The following CTDP1 variants were observed in gnomAD, a reference collection of about 807,000 sequenced individuals.
CTDP1 encodes CTD phosphatase 1, also known as RNA polymerase II subunit A C-terminal domain phosphatase.
A neutral mutation model predicts 91.8 loss-of-function variants in CTDP1; 47 were observed. The observed-to-expected ratio is 0.51, with a 90% CI of 0.41 to 0.65. CTDP1 has a LOEUF of 0.65. Among genes scored for constraint, CTDP1 ranks in the 30% least tolerant of loss-of-function variants. CTDP1 has a pLI of 0.00. For missense variants in CTDP1, 1,272 were observed against 1,373.7 expected, an observed-to-expected ratio of 0.93 and a Z score of 1.17; for synonymous variants, 656 against 598.5, an observed-to-expected ratio of 1.10 and a Z score of -1.40.
intron 5 of CTDP1, among the ~76,000 whole-genome samples, chr18:79,709,752 C>T (rs905661650): frequency 3.3e-5 from 5 of 152,220 alleles, no homozygotes; most frequent in African/African-American, 9.6e-5. Flanking sequence ...ATTATTAAAA[C>T]GTGTATAATA....
intron 12 of CTDP1, among the ~76,000 whole-genome samples, chr18:79,748,526 G>C (rs1266280929): frequency 1.3e-5 from 2 of 152,248 alleles, no homozygotes; most frequent in Non-Finnish European, 2.9e-5. Context: ...AAAGTGCGTG[G>C]AGGACGTTTC....
upstream of CTDP1, chr18:79,677,206 C>A (rs1255857004): frequency 5.3e-5 from 8 of 152,296 alleles, no homozygotes; most frequent in Admixed American, 4.6e-4. Context: ...CCTTGGCCCC[C>A]CTACTTTCTC....
rs772232405 is a variant in CTDP1, at chr18:79,728,924, A to G, written c.2435A>G (p.Gln812Arg). ...CCTTTCAGAGCGGTTCCGCCACCCC[A>G]GCCGCAGATGTTTGGTGAAGAGCTG... ...PSSFRAVPPP[Q>R]PQMFGEELPD... Residue 812 changes from glutamine (Q) to arginine (R), a missense_variant, in exon 11 of 13, where the codon CAG becomes CGG. Gln to Arg is a conservative substitution (Grantham distance 43, BLOSUM62 1). Coordinates refer to ENST00000613122, the MANE Select transcript of CTDP1 (RefSeq NM_004715.5). The G allele has an allele frequency of 6.2e-6, 10 of 1,614,022 alleles. No homozygotes were observed. In the African/African-American group the frequency reaches 1.1e-4, roughly 17 times the overall value.
chr18:79,679,350 G>C (rs1054706607), upstream of CTDP1: 14 of 447,334 alleles, frequency 3.1e-5, no homozygotes, highest in Middle Eastern at 3.4e-4. Flanking sequence ...CCCGCGGCGC[G>C]CAAGGCATGC....
chr18:79,728,247 G>A (rs2086491608), intron 10 of CTDP1, among the ~76,000 whole-genome samples: 1 of 152,152 alleles, frequency 6.6e-6, no homozygotes, highest in East Asian at 1.9e-4. Context: ...TTACAGGCGT[G>A]CACCACCACA....
At chr18:79,722,739 AC>A (rs569785374) in intron 10 of CTDP1, among the ~76,000 whole-genome samples, 105 of 152,286 alleles carry the variant, frequency 6.9e-4, no homozygotes, top group African/African-American at 2.2e-3. Flanking sequence ...CGACCTACTT[AC>A]ATCAGAAAAA....
chr18:79,705,463 C>T (rs573673250), intron 5 of CTDP1, among the ~76,000 whole-genome samples: 3 of 152,112 alleles, frequency 2.0e-5, no homozygotes, highest in South Asian at 2.1e-4. Flanking sequence ...AGTGAGGGGA[C>T]GCCACAGGAT....
chr18:79,752,093 G>T (rs1179133662), intron 12 of CTDP1, among the ~76,000 whole-genome samples: 1 of 152,250 alleles, frequency 6.6e-6, no homozygotes, highest in Admixed American at 6.5e-5. Context: ...CAGGTGGTTG[G>T]AATTTCAGGG....
intron 10 of CTDP1, among the ~76,000 whole-genome samples, chr18:79,728,522 G>A (rs920817094): frequency 3.3e-5 from 5 of 152,068 alleles, no homozygotes; most frequent in African/African-American, 7.2e-5. Context: ...GTAGCTCTCC[G>A]GACCCTATTT....
At chr18:79,724,021 C>T (rs1273406779) in intron 10 of CTDP1, among the ~76,000 whole-genome samples, 1 of 152,210 alleles carries the variant, frequency 6.6e-6, no homozygotes, top group Non-Finnish European at 1.5e-5. Flanking sequence ...GGGTTGTTTC[C>T]AGCCTTTGCT....
intron 12 of CTDP1, among the ~76,000 whole-genome samples, chr18:79,753,251 G>A (rs531463622): frequency 2.2e-3 from 341 of 152,394 alleles, no homozygotes; most frequent in Middle Eastern, 0.01. Context: ...TTTCCAGACC[G>A]TGGCCCACTT....
In CTDP1 at chr18:79,710,336, C is replaced by G; in HGVS notation, c.773-10C>G. On this transcript the variant is annotated splice_polypyrimidine_tract_variant and intron_variant, in intron 5 of 12. Transcript: ENST00000613122. ...AGGTATGTAATCTTTGTCCTGTTTT[C>G]TTTTCCAAGGCTTTTTAGACCCCGA... The G allele has an allele frequency of 6.2e-7, 1 of 1,611,066 alleles. No individual in the cohort carries two copies. Among genetic ancestry groups the G allele is most frequent in the Non-Finnish European group, 8.5e-7 (1 of 1,177,484 alleles).
upstream of CTDP1, chr18:79,679,343 G>T: frequency 2.2e-6 from 1 of 445,942 alleles, no homozygotes; most frequent in Non-Finnish European, 4.6e-6. Flanking sequence ...CTCTGGGCCC[G>T]CGGCGCGCAA....
chr18:79,738,250 C>T lies in CTDP1; in HGVS notation c.2747+1729C>T, dbSNP rs541800772. On this transcript the variant is annotated intron_variant, in intron 12 of 12. Transcript: ENST00000613122. ...TTCAGCTCCGGGGCTGCTCCGAGGC[C>T]GTCCGAGGTAACCTCGGAGGCTTTG... Among the ~76,000 whole-genome samples, 265 of 152,306 alleles carry T rather than the reference C, an allele frequency of 1.7e-3. 2 individuals are homozygous for T. Among genetic ancestry groups the T allele is most frequent in the African/African-American group, 3.3e-3 (136 of 41,552 alleles).
In CTDP1 at chr18:79,732,895, A is replaced by AGTGCTCCCAAAATCACC. The variant is rs1413349790; in HGVS notation, c.2581-3459_2581-3443dup. 1.6e-4 allele frequency among the ~76,000 whole-genome samples: 24 copies of AGTGCTCCCAAAATCACC among 152,118 alleles called. 1 individual carries two copies. The East Asian group carries it at 4.7e-3, about 30-fold the overall frequency. On this transcript the variant is annotated intron_variant, in intron 11 of 12. Coordinates refer to ENST00000613122, the MANE Select transcript of CTDP1 (RefSeq NM_004715.5). ...GACGTAAGAACTCGCTAACATCAGG[A>AGTGCTCCCAAAATCACC]GTGCTCCCAAAATCACCTGAGACAT...
Position 79,694,400 on chromosome 18 carries a change from C to T in CTDP1, c.315-825C>T, listed in dbSNP as rs1180114370. Among the ~76,000 whole-genome samples the T allele has an allele frequency of 2.0e-3, 206 of 104,364 alleles. 31 individuals are homozygous for T. The highest frequency in any genetic ancestry group is 5.2e-3 in the African/African-American group (159 of 30,724). 68.5% of individuals were successfully genotyped at this position (104,364 alleles called of 152,430 possible). A position where few individuals can be genotyped will look rare whatever the true frequency, so the allele number is the denominator to read the frequency against. Reference sequence around the variant, plus strand: ...TGAGTGCCGGGCAGCCTCGTGTCCGCGGGGCGCGGTGGTCGGAGCAGCCCG... The same window carrying T: ...TGAGTGCCGGGCAGCCTCGTGTCCGTGGGGCGCGGTGGTCGGAGCAGCCCG... On this transcript the variant is annotated intron_variant, in intron 1 of 12. Coordinates refer to ENST00000613122, the MANE Select transcript of CTDP1 (RefSeq NM_004715.5).
At chr18:79,742,534 T>C (rs2086801687) in intron 12 of CTDP1, among the ~76,000 whole-genome samples, 1 of 152,248 alleles carries the variant, frequency 6.6e-6, no homozygotes, top group South Asian at 2.1e-4. Flanking sequence ...GCAGGTGACT[T>C]AGATGAAATC....
At chr18:79,749,442 T>C (rs1937017660) in intron 12 of CTDP1, among the ~76,000 whole-genome samples, 1 of 151,284 alleles carries the variant, frequency 6.6e-6, no homozygotes, top group African/African-American at 2.4e-5. Context: ...GGGCCAGGGC[T>C]CCCTTGAGCA....
intron 10 of CTDP1, 59 bp downstream of exon 10, chr18:79,718,075 C>T (rs1167352690): frequency 2.5e-6 from 4 of 1,590,924 alleles, no homozygotes; most frequent in Non-Finnish European, 2.6e-6. Flanking sequence ...CTTGCTGCTC[C>T]AGTCTGTTGG....
Sources: allele counts gnomAD v4.1 joint callset (sites outside exome capture counted in the v4.1 genomes callset), GRCh38; gene constraint gnomAD v4.1.1; transcripts MANE v1.5; gene names NCBI Gene and HGNC (gene_info 2026-07-23, HGNC 2026-07-21).